Variants in MAPKAP1 observed in about 807,000 individuals in gnomAD.
MAPKAP1 encodes target of rapamycin complex 2 subunit MAPKAP1.
A neutral mutation model predicts 65.7 loss-of-function variants in MAPKAP1; 20 were observed. The ratio of observed to expected loss-of-function variants is 0.30; its 90% CI spans 0.21 to 0.44. The LOEUF (loss-of-function observed/expected upper bound fraction) is 0.44. Among genes scored for constraint, MAPKAP1 ranks in the 20% least tolerant of loss-of-function variants. The pLI is 1.00. For missense variants in MAPKAP1, 423 were observed against 648.0 expected (o/e 0.65, Z 3.77); for synonymous variants, 222 against 244.3 (o/e 0.91, Z 0.85).
chr9:125,591,915 T>C (rs1205462245), intron 4 of MAPKAP1, among the ~76,000 whole-genome samples: 1 of 152,176 alleles, frequency 6.6e-6, no homozygotes, highest in Non-Finnish European at 1.5e-5. Context: ...AAAGATCATA[T>C]CATACAGTTT....
At chr9:125,608,215 C>T (rs571522858) in intron 4 of MAPKAP1, among the ~76,000 whole-genome samples, 1 of 152,348 alleles carries the variant, frequency 6.6e-6, no homozygotes, top group Admixed American at 6.5e-5. Flanking sequence ...CAAATAGCTG[C>T]TGTGTTCCCA....
intron 4 of MAPKAP1, among the ~76,000 whole-genome samples, chr9:125,627,554 C>G (rs1474512832): frequency 6.6e-6 from 1 of 152,052 alleles, no homozygotes; most frequent in East Asian, 1.9e-4. Context: ...GGAACCGGAA[C>G]ACATTAGGAA....
chr9:125,541,382 A>T (rs1370284727), intron 7 of MAPKAP1, among the ~76,000 whole-genome samples: 1 of 152,242 alleles, frequency 6.6e-6, no homozygotes, highest in Non-Finnish European at 1.5e-5. Flanking sequence ...ATTTCTACTA[A>T]GAAGCTTAAA....
intron 1 of MAPKAP1, among the ~76,000 whole-genome samples, chr9:125,695,940 C>A (rs1835370100): frequency 6.6e-6 from 1 of 152,070 alleles, no homozygotes. Flanking sequence ...GTTGGTCAGG[C>A]TGGTCTTGAA....
intron 4 of MAPKAP1, among the ~76,000 whole-genome samples, chr9:125,624,369 A>C (rs1412620893): frequency 2.1e-5 from 1 of 47,562 alleles, no homozygotes; most frequent in Non-Finnish European, 4.5e-5. Flanking sequence ...CAGCCGCCCC[A>C]TCCGGGAGGG....
intron 10 of MAPKAP1, among the ~76,000 whole-genome samples, chr9:125,446,334 C>A (rs1399022635): frequency 6.6e-6 from 1 of 152,160 alleles, no homozygotes; most frequent in East Asian, 1.9e-4. Context: ...CACTTTCAGA[C>A]ACTTGACAAA....
At chr9:125,566,599 A>C (rs1831061949) in intron 5 of MAPKAP1, among the ~76,000 whole-genome samples, 1 of 103,740 alleles carries the variant, frequency 9.6e-6, no homozygotes, top group South Asian at 3.2e-4. Flanking sequence ...AAAGAAAAAG[A>C]AAAAAGACTT....
intron 5 of MAPKAP1, among the ~76,000 whole-genome samples, chr9:125,561,752 G>A (rs942412403): frequency 1.3e-5 from 2 of 152,160 alleles, no homozygotes; most frequent in Admixed American, 6.5e-5. Flanking sequence ...GTCCCTCAGA[G>A]ATTGTAAAGA....
intron 4 of MAPKAP1, among the ~76,000 whole-genome samples, chr9:125,636,558 TGAG>T (rs757345817): frequency 5.3e-5 from 8 of 152,212 alleles, no homozygotes; most frequent in Admixed American, 2.0e-4. Flanking sequence ...TCACCATCCT[TGAG>T]GAGAAAATTC....
chr9:125,570,141 A>G (rs1449595143), intron 5 of MAPKAP1, among the ~76,000 whole-genome samples: 1 of 150,604 alleles, frequency 6.6e-6, no homozygotes, highest in Non-Finnish European at 1.5e-5. Context: ...TATACAAAGA[A>G]GATTACAAAG....
chr9:125,681,334 T>C (rs1834815254), intron 1 of MAPKAP1, among the ~76,000 whole-genome samples: 1 of 152,166 alleles, frequency 6.6e-6, no homozygotes, highest in South Asian at 2.1e-4. Flanking sequence ...CACTTCTGAA[T>C]TATGGGAAAA....
chr9:125,662,169 C>T (rs1052983417), intron 3 of MAPKAP1, among the ~76,000 whole-genome samples: 11 of 151,982 alleles, frequency 7.2e-5, no homozygotes, highest in Non-Finnish European at 1.2e-4. Context: ...ATCACTTGAG[C>T]CCAGGAGTTC....
At chr9:125,568,273 T>G (rs530591541) in intron 5 of MAPKAP1, among the ~76,000 whole-genome samples, 45 of 152,282 alleles carry the variant, frequency 3.0e-4, no homozygotes, top group Non-Finnish European at 5.4e-4. Flanking sequence ...CTCTTTGGAT[T>G]AATCCGCCTT....
intron 5 of MAPKAP1, among the ~76,000 whole-genome samples, chr9:125,575,584 G>A (rs902138808): frequency 1.3e-5 from 2 of 152,084 alleles, no homozygotes; most frequent in African/African-American, 2.4e-5. Context: ...GAAGACAAAC[G>A]GTAACAAATA....
At chr9:125,628,647 C>T (rs1200077554) in intron 4 of MAPKAP1, among the ~76,000 whole-genome samples, 5 of 152,130 alleles carry the variant, frequency 3.3e-5, no homozygotes, top group Non-Finnish European at 5.9e-5. Context: ...AACTTCATGA[C>T]GTTGGATGTA....
intron 4 of MAPKAP1, among the ~76,000 whole-genome samples, chr9:125,612,333 A>T (rs1371385219): frequency 2.0e-5 from 3 of 152,238 alleles, no homozygotes; most frequent in African/African-American, 7.2e-5. Context: ...GACCTATATT[A>T]ATGGGCATAC....
intron 4 of MAPKAP1, among the ~76,000 whole-genome samples, chr9:125,645,986 A>G (rs1400120541): frequency 6.6e-6 from 1 of 152,164 alleles, no homozygotes; most frequent in Non-Finnish European, 1.5e-5. Context: ...TGATAAAACA[A>G]AGCTGCCCTT....
chr9:125,640,989 C>G (rs567647810), intron 4 of MAPKAP1, among the ~76,000 whole-genome samples: 2 of 152,164 alleles, frequency 1.3e-5, no homozygotes, highest in Non-Finnish European at 2.9e-5. Flanking sequence ...GGATTCAAAG[C>G]TGGCCCTACC....
intron 4 of MAPKAP1, among the ~76,000 whole-genome samples, chr9:125,592,786 C>G (rs1432169281): frequency 2.0e-5 from 3 of 151,610 alleles, no homozygotes; most frequent in Non-Finnish European, 4.4e-5. Flanking sequence ...ACCTGTAGTC[C>G]CAGCTACTCA....
Sources: gnomAD v4.1 joint callset for allele counts (sites outside exome capture counted in the v4.1 genomes callset) on GRCh38, gnomAD v4.1.1 for gene constraint, MANE v1.5 for transcripts, NCBI Gene and HGNC (gene_info 2026-07-23, HGNC 2026-07-21) for gene names.